Variants in GRM8 observed in about 807,000 individuals in gnomAD.
The protein encoded by GRM8 is metabotropic glutamate receptor 8.
In GRM8, 47 loss-of-function variants were observed where a neutral mutation model predicts 87.2. That is an observed-to-expected ratio of 0.54 (90% confidence interval 0.43 to 0.69). GRM8 has a LOEUF of 0.69. Among genes scored for constraint, GRM8 ranks in the 30% least tolerant of loss-of-function variants. The pLI is 0.00. For missense variants in GRM8, 1,019 were observed against 1,139.2 expected (o/e 0.89, Z 1.52); for synonymous variants, 396 against 404.5 (o/e 0.98, Z 0.25).
At chr7:127,106,740 A>G (rs534497197) in intron 2 of GRM8, 28 bp from the exon 3 acceptor site, 36 of 1,452,368 alleles carry the variant, frequency 2.5e-5, no homozygotes, top group Middle Eastern at 3.5e-4. Context: ...GGTCATTTCA[A>G]CCCATGACGA....
intron 6 of GRM8, among the ~76,000 whole-genome samples, chr7:126,884,710 G>A (rs1256235352): frequency 6.6e-6 from 1 of 152,118 alleles, no homozygotes; most frequent in Non-Finnish European, 1.5e-5. Context: ...GGATTATCCA[G>A]TGCCTTCTAT....
intron 6 of GRM8, among the ~76,000 whole-genome samples, chr7:126,827,247 G>A (rs1479559816): frequency 2.6e-5 from 4 of 152,210 alleles, no homozygotes; most frequent in Admixed American, 2.0e-4. Flanking sequence ...TTCCAATTCT[G>A]TGAAGAAAGT....
At chr7:126,827,527 G>A (rs1340994436) in intron 6 of GRM8, among the ~76,000 whole-genome samples, 2 of 152,162 alleles carry the variant, frequency 1.3e-5, no homozygotes, top group South Asian at 4.1e-4. Flanking sequence ...TCTGTTATTG[G>A]TGTATAAGAA....
At chr7:126,761,073 C>A (rs1288374497) in intron 7 of GRM8, among the ~76,000 whole-genome samples, 1 of 152,096 alleles carries the variant, frequency 6.6e-6, no homozygotes, top group Non-Finnish European at 1.5e-5. Flanking sequence ...CGGCATGCAC[C>A]TGTAGTCCCA....
intron 3 of GRM8, among the ~76,000 whole-genome samples, chr7:127,071,283 C>T (rs912886622): frequency 5.3e-5 from 8 of 152,270 alleles, no homozygotes; most frequent in Non-Finnish European, 1.0e-4. Context: ...GAAAAAATGT[C>T]CTAGTTTTTC....
intron 9 of GRM8, among the ~76,000 whole-genome samples, chr7:126,527,436 G>A (rs1055256653): frequency 6.6e-6 from 1 of 152,158 alleles, no homozygotes; most frequent in African/African-American, 2.4e-5. Context: ...AGTGATTAAC[G>A]ATTACAAACA....
rs950909441 is a variant in GRM8, at chr7:126,662,536, AAAGGTGGGGGCAGG to A, written c.1358-53052_1358-53039del. ...TTCTGCAAATAATTCAGAAAACAAA[AAAGGTGGGGGCAGG>A]AAGGCATATCTAAAGAGATCAATAG... On this transcript the variant is annotated intron_variant, in intron 7 of 10. Coordinates refer to ENST00000339582, the MANE Select transcript of GRM8 (RefSeq NM_000845.3). 2.7e-4 allele frequency among the ~76,000 whole-genome samples: 41 copies of A among 152,312 alleles called. 1 individual carries two copies. Among genetic ancestry groups the A allele is most frequent in the African/African-American group, 8.4e-4 (35 of 41,574 alleles).
chr7:127,082,917 G>A (rs950374936), intron 3 of GRM8, among the ~76,000 whole-genome samples: 7 of 152,096 alleles, frequency 4.6e-5, no homozygotes, highest in East Asian at 1.9e-4. Flanking sequence ...GAGCGGGATC[G>A]GAACCCAGGC....
At chr7:126,894,684 T>C (rs1400427645) in intron 6 of GRM8, among the ~76,000 whole-genome samples, 1 of 151,958 alleles carries the variant, frequency 6.6e-6, no homozygotes, top group Non-Finnish European at 1.5e-5. Context: ...AAAAAAAACA[T>C]ACTGGCCCAT....
chr7:127,025,435 T>C (rs1045913066), intron 3 of GRM8, among the ~76,000 whole-genome samples: 4 of 152,068 alleles, frequency 2.6e-5, no homozygotes, highest in Non-Finnish European at 5.9e-5. Flanking sequence ...ACAACAATAT[T>C]GTCCCCCATC....
chr7:127,197,560 T>C (rs760320937), intron 2 of GRM8, among the ~76,000 whole-genome samples: 2 of 152,134 alleles, frequency 1.3e-5, no homozygotes, highest in East Asian at 1.9e-4. Flanking sequence ...CAATCCTAGT[T>C]TCTTTCATCT....
intron 6 of GRM8, among the ~76,000 whole-genome samples, chr7:126,892,988 A>T (rs556126164): frequency 6.6e-6 from 1 of 152,096 alleles, no homozygotes; most frequent in Non-Finnish European, 1.5e-5. Context: ...AACCCCATCA[A>T]AAGTGGGCAA....
chr7:126,545,494 C>G (rs1817046096), intron 8 of GRM8, among the ~76,000 whole-genome samples: 1 of 151,886 alleles, frequency 6.6e-6, no homozygotes, highest in Non-Finnish European at 1.5e-5. Flanking sequence ...TAATTTCCTT[C>G]AAAAAAATAT....
intron 2 of GRM8, among the ~76,000 whole-genome samples, chr7:127,185,554 T>C (rs1433575620): frequency 6.6e-6 from 1 of 152,110 alleles, no homozygotes; most frequent in Non-Finnish European, 1.5e-5. Flanking sequence ...TCACCTTGAG[T>C]TTGACAACGA....
chr7:126,825,504 A>G (rs1159231402), intron 6 of GRM8, among the ~76,000 whole-genome samples: 2 of 152,210 alleles, frequency 1.3e-5, no homozygotes, highest in African/African-American at 4.8e-5. Context: ...AAAGCTAATA[A>G]GCGGCAGATT....
At chr7:126,578,699 T>C (rs965321046) in intron 8 of GRM8, among the ~76,000 whole-genome samples, 5 of 152,140 alleles carry the variant, frequency 3.3e-5, no homozygotes, top group African/African-American at 1.2e-4. Context: ...GCTTTAAAGA[T>C]ATGTGCTAAA....
chr7:126,705,096 T>C (rs1333424530), intron 7 of GRM8, among the ~76,000 whole-genome samples: 1 of 152,160 alleles, frequency 6.6e-6, no homozygotes, highest in African/African-American at 2.4e-5. Flanking sequence ...TTTTGTACTC[T>C]GTCCCTTTAT....
chr7:126,693,045 TG>T (rs1232342472), intron 7 of GRM8, among the ~76,000 whole-genome samples: 1 of 152,204 alleles, frequency 6.6e-6, no homozygotes, highest in Non-Finnish European at 1.5e-5. Context: ...AAAAGTTGGC[TG>T]GAAGAGTGAA....
intron 7 of GRM8, among the ~76,000 whole-genome samples, chr7:126,761,497 G>A (rs1228033206): frequency 6.6e-6 from 1 of 151,898 alleles, no homozygotes; most frequent in Non-Finnish European, 1.5e-5. Context: ...TGTGACTACT[G>A]GAACTATCTC....
Sources: allele counts gnomAD v4.1 joint callset (sites outside exome capture counted in the v4.1 genomes callset), GRCh38; gene constraint gnomAD v4.1.1; transcripts MANE v1.5; gene names NCBI Gene and HGNC (gene_info 2026-07-23, HGNC 2026-07-21).